NRG3: variants seen among roughly 807,000 people sequenced by gnomAD.
The protein encoded by NRG3 is neuregulin 3, also known as pro-neuregulin-3, membrane-bound isoform.
A neutral mutation model predicts 66.9 loss-of-function variants in NRG3; 31 were observed. The ratio of observed to expected loss-of-function variants is 0.46; its 90% confidence interval spans 0.35 to 0.63. The LOEUF is 0.63. Among genes scored for constraint, NRG3 ranks in the 20% least tolerant of loss-of-function variants. NRG3 has a pLI of 0.00. For missense variants in NRG3, 910 were observed against 878.9 expected (o/e 1.04, Z -0.45); for synonymous variants, 393 against 359.4 (o/e 1.09, Z -1.06).
chr10:81,979,134 A>C (rs2060236527), intron 1 of NRG3, among the ~76,000 whole-genome samples: 2 of 144,632 alleles, frequency 1.4e-5, no homozygotes, highest in African/African-American at 5.2e-5. Context: ...GGTTGCAGTG[A>C]GCCGGGATTG....
At chr10:82,913,071 A>G (rs2131988329) in intron 4 of NRG3, among the ~76,000 whole-genome samples, 1 of 152,220 alleles carries the variant, frequency 6.6e-6, no homozygotes, top group African/African-American at 2.4e-5. Flanking sequence ...TAAAAATACA[A>G]AATAATTAGC....
chr10:82,368,114 G>A (rs2084658251), intron 2 of NRG3, among the ~76,000 whole-genome samples: 1 of 104,906 alleles, frequency 9.5e-6, no homozygotes, highest in African/African-American at 8.5e-5. Context: ...GATTATTTGA[G>A]GCTTGATATA....
At chr10:82,829,986 C>T in intron 3 of NRG3, among the ~76,000 whole-genome samples, 1 of 152,074 alleles carries the variant, frequency 6.6e-6, no homozygotes, top group African/African-American at 2.4e-5. Context: ...CCTCTGCTAC[C>T]AACATTTTTG....
At chr10:81,937,427 A>C (rs1251902656) in intron 1 of NRG3, among the ~76,000 whole-genome samples, 1 of 152,062 alleles carries the variant, frequency 6.6e-6, no homozygotes, top group East Asian at 1.9e-4. Context: ...ATTCTTACCA[A>C]CATTTATTAT....
intron 1 of NRG3, among the ~76,000 whole-genome samples, chr10:82,012,529 A>T (rs1046413269): frequency 6.6e-6 from 1 of 152,186 alleles, no homozygotes; most frequent in South Asian, 2.1e-4. Flanking sequence ...TTTCTTTTCT[A>T]TCACATTGTC....
At chr10:82,918,479 C>T (rs1461046947) in intron 4 of NRG3, among the ~76,000 whole-genome samples, 1 of 152,196 alleles carries the variant, frequency 6.6e-6, no homozygotes, top group Non-Finnish European at 1.5e-5. Context: ...GTACCTGACA[C>T]ATGAGAGTTG....
At chr10:82,371,348 T>C (rs7075400) in intron 2 of NRG3, among the ~76,000 whole-genome samples, 30,237 of 152,140 alleles carry the variant, frequency 0.2, 3,285 homozygotes, top group East Asian at 0.31. Flanking sequence ...TTTAGAAATA[T>C]ACATGCCATA....
chr10:82,183,503 A>G (rs190406180), intron 1 of NRG3, among the ~76,000 whole-genome samples: 1 of 152,168 alleles, frequency 6.6e-6, no homozygotes, highest in African/African-American at 2.4e-5. Flanking sequence ...TTTTTAAACT[A>G]TATCTTCTAT....
rs1251311978 is a variant in NRG3, at chr10:82,568,988, C to T, written c.954-169589C>T. On this transcript the variant is annotated intron_variant, in intron 2 of 8. Transcript: ENST00000372141. ...CATGCCAGTAAGCCTTCTAACATGT[C>T]AGGTTCTCAAGTTCAAATGCCCTAA... Among the ~76,000 whole-genome samples the T allele has an allele frequency of 2.0e-5, 3 of 151,748 alleles. No individual in the cohort carries two copies. In the East Asian group the frequency reaches 5.8e-4, roughly 29 times the overall value.
intron 3 of NRG3, among the ~76,000 whole-genome samples, chr10:82,828,954 A>G (rs2062381589): frequency 6.6e-6 from 1 of 152,212 alleles, no homozygotes; most frequent in Non-Finnish European, 1.5e-5. Context: ...TCCCCTGCAG[A>G]TGAAAATTTG....
intron 2 of NRG3, among the ~76,000 whole-genome samples, chr10:82,727,665 A>C (rs149375134): frequency 3.0e-4 from 45 of 152,324 alleles, no homozygotes; most frequent in African/African-American, 1.0e-3. Context: ...TGTGGGGTTG[A>C]GGCCTTCACA....
At chr10:81,881,484 A>G (rs1842177242) in intron 1 of NRG3, among the ~76,000 whole-genome samples, 1 of 152,182 alleles carries the variant, frequency 6.6e-6, no homozygotes, top group Non-Finnish European at 1.5e-5. Context: ...TACAAATCAT[A>G]TTAATTTTGG....
chr10:82,574,997 G>T (rs1465091685), intron 2 of NRG3, among the ~76,000 whole-genome samples: 1 of 151,662 alleles, frequency 6.6e-6, no homozygotes, highest in Non-Finnish European at 1.5e-5. Flanking sequence ...GAGTTCAAAA[G>T]ATCTATTGTG....
chr10:82,459,160 C>A (rs746872469), intron 2 of NRG3, among the ~76,000 whole-genome samples: 5 of 152,178 alleles, frequency 3.3e-5, no homozygotes, highest in Non-Finnish European at 5.9e-5. Context: ...TCTTGGCATG[C>A]TCTATTACCT....
At chr10:82,590,417 G>C (rs2046914623) in intron 2 of NRG3, among the ~76,000 whole-genome samples, 1 of 152,122 alleles carries the variant, frequency 6.6e-6, no homozygotes, top group Admixed American at 6.5e-5. Context: ...CCTAGGTGGA[G>C]CAGAGGTACT....
intron 1 of NRG3, among the ~76,000 whole-genome samples, chr10:82,033,927 G>A (rs1239103997): frequency 2.6e-5 from 4 of 151,998 alleles, no homozygotes; most frequent in Admixed American, 6.6e-5. Context: ...TTTAATCATA[G>A]GTCATTTGAC....
At position 82,146,890 on chromosome 10, in the gene NRG3, G is replaced by A. The variant is rs139143052; in HGVS notation, c.824-211849G>A. Among the ~76,000 whole-genome samples the A allele has an allele frequency of 1.2e-3, 184 of 152,250 alleles. 1 individual carries two copies. The highest frequency in any genetic ancestry group is 2.0e-3 in the Non-Finnish European group (139 of 68,030). ...GCTTCCCTGATGGAGTGTGAGGTCT[G>A]GCAGCAGGACCTGACAAAAGTGAGT... is the stretch of plus-strand genomic sequence containing the variant. On this transcript the variant is annotated intron_variant, in intron 1 of 8. Coordinates refer to ENST00000372141, the MANE Select transcript of NRG3 (RefSeq NM_001010848.4).
chr10:82,506,204 C>A (rs375025580), intron 2 of NRG3, among the ~76,000 whole-genome samples: 1 of 152,134 alleles, frequency 6.6e-6, no homozygotes, highest in African/African-American at 2.4e-5. Context: ...GTCGAGATTG[C>A]GCCACTGCAC....
intron 1 of NRG3, among the ~76,000 whole-genome samples, chr10:82,083,366 A>T (rs1469645815): frequency 6.6e-6 from 1 of 152,080 alleles, no homozygotes; most frequent in African/African-American, 2.4e-5. Flanking sequence ...TTTAAGGAAG[A>T]TGTATTTGTT....
Sources: allele counts gnomAD v4.1 joint callset (sites outside exome capture counted in the v4.1 genomes callset), GRCh38; gene constraint gnomAD v4.1.1; transcripts MANE v1.5; gene names NCBI Gene and HGNC (gene_info 2026-07-23, HGNC 2026-07-21).